Variants in PKD1L1 observed in about 807,000 individuals in gnomAD.
PKD1L1 encodes polycystin-1-like protein 1.
A neutral mutation model predicts 323.4 loss-of-function variants in PKD1L1; 236 were observed. That is an observed-to-expected ratio of 0.73 (90% confidence interval 0.66 to 0.81). The LOEUF is 0.81. Ranked by LOEUF, PKD1L1 falls within the 40% of genes least tolerant of loss-of-function variation. PKD1L1 has a pLI of 0.00. For synonymous variants in PKD1L1, 1,344 were observed against 1,335.0 expected, an observed-to-expected ratio of 1.01 and a Z score of -0.15; for missense variants, 3,320 against 3,508.0, an observed-to-expected ratio of 0.95 and a Z score of 1.35.
upstream of PKD1L1, among the ~76,000 whole-genome samples, chr7:47,948,797 A>C (rs1353642494): frequency 6.6e-6 from 1 of 152,032 alleles, no homozygotes; most frequent in Non-Finnish European, 1.5e-5. Context: ...GTCTCTACTA[A>C]AAATACAAAA....
intron 47 of PKD1L1, 117 bp downstream of exon 47, chr7:47,815,217 C>T (rs572739279): frequency 1.4e-6 from 2 of 1,383,444 alleles, no homozygotes; most frequent in Non-Finnish European, 1.9e-6. Flanking sequence ...GGCCTTACAC[C>T]TGCATGGTCA....
At chr7:47,820,994 A>G (rs1785127978) in intron 46 of PKD1L1, 82 bp downstream of exon 46, 2 of 769,068 alleles carry the variant, frequency 2.6e-6, no homozygotes, top group South Asian at 1.8e-5. Flanking sequence ...CATATGTGGG[A>G]TGTGAAACAT....
intron 31 of PKD1L1, among the ~76,000 whole-genome samples, chr7:47,851,773 C>T (rs1785787410): frequency 6.6e-6 from 1 of 151,824 alleles, no homozygotes; most frequent in Admixed American, 6.6e-5. Flanking sequence ...AACAGTCAGG[C>T]AATTTCCTGA....
chr7:47,814,140 T>C, intron 47 of PKD1L1, 126 bp from the exon 48 acceptor site: 1 of 678,358 alleles, frequency 1.5e-6, no homozygotes. Flanking sequence ...CAGAGTTTTA[T>C]TTTCCTTCCA....
At position 47,943,438 on chromosome 7, in the gene PKD1L1, G is replaced by A; in HGVS notation, c.118C>T (p.His40Tyr). 1.2e-6 allele frequency: 2 copies of A among 1,613,578 alleles called. No homozygotes were observed. The highest frequency in any genetic ancestry group is 1.1e-5 in the South Asian group (1 of 91,058). ...CCAGGAGGGCTACAGCTGCACAGAT[G>A]AAGACCCCAGCTCTTGTCAGTGCTC... ...SVSTDKSWGL[H>Y]LCSCSPPGGG... The change falls in exon 2 of 57, where the codon CAT (histidine) becomes TAT (tyrosine). Residue 40 changes from histidine (H) to tyrosine (Y), a missense_variant. His to Tyr is a moderately conservative substitution (Grantham distance 83, BLOSUM62 2). Transcript: ENST00000289672.
At chr7:47,941,579 G>A (rs1006206777) in intron 2 of PKD1L1, among the ~76,000 whole-genome samples, 5 of 152,174 alleles carry the variant, frequency 3.3e-5, no homozygotes, top group East Asian at 3.8e-4. Context: ...ATCAAAGGCC[G>A]TGTTCCTGGC....
At chr7:47,929,896 T>C (rs1026453994) in intron 6 of PKD1L1, among the ~76,000 whole-genome samples, 2 of 152,226 alleles carry the variant, frequency 1.3e-5, no homozygotes, top group Non-Finnish European at 2.9e-5. Flanking sequence ...ACACGAAAGA[T>C]GGTATCTCCC....
In PKD1L1 at chr7:47,792,700, G is replaced by T. The variant is rs766453899; in HGVS notation, c.8453C>A (p.Thr2818Lys). The T allele has an allele frequency of 6.2e-7, 1 of 1,613,962 alleles. No homozygotes were observed. Among genetic ancestry groups the T allele is most frequent in the African/African-American group, 1.3e-5 (1 of 74,920 alleles). The change falls in exon 56 of 57, where the codon ACA becomes AAA. Residue 2818 changes from threonine to lysine, a missense_variant. Thr to Lys is a moderately conservative substitution (Grantham distance 78, BLOSUM62 -1). Coordinates refer to ENST00000289672, the MANE Select transcript of PKD1L1 (RefSeq NM_138295.5). ...CCTTGCCTCCCCTGTGTTGTTGGAT[G>T]TTTTTTCCAGAAGGGGGAGTTGTAG... ...DSLQLPLLEKTSNNTGEARTE... is the reference protein window; with the variant it reads ...DSLQLPLLEKKSNNTGEARTE...
rs755750443 is a variant in PKD1L1, at chr7:47,882,188, GCT to G, written c.3266-105_3266-104del. The G allele has an allele frequency of 0.32, 369,426 of 1,171,838 alleles. 60,333 individuals are homozygous for G. The highest frequency in any genetic ancestry group is 0.41 in the Admixed American group (16,854 of 41,214). 72.6% of individuals were successfully genotyped at this position (1,171,838 alleles called of 1,614,324 possible). ...GATATTAATAACTATTTGTACTATTGCTGGATACCGCCTATCTAATATAATGT... is the reference window on the plus strand; with the variant it reads ...GATATTAATAACTATTTGTACTATTGGGATACCGCCTATCTAATATAATGT... On this transcript the variant is annotated intron_variant, in intron 19 of 56. Coordinates refer to ENST00000289672, the MANE Select transcript of PKD1L1 (RefSeq NM_138295.5).
chr7:47,825,424 G>C (rs929283860), intron 45 of PKD1L1, among the ~76,000 whole-genome samples: 1 of 151,952 alleles, frequency 6.6e-6, no homozygotes, highest in Non-Finnish European at 1.5e-5. Flanking sequence ...TCAGCTACTT[G>C]GGAGGCTGAG....
rs750720481 is a variant in PKD1L1 at position 47,792,617 on chromosome 7, A to C, written c.8526+10T>G. On this transcript the variant is annotated intron_variant, in intron 56 of 56. Transcript: ENST00000289672. ...AGAAAATTGACATAAATAATTTTGC[A>C]TGGTCTTACCTCAGCAGCTTGGTAA... 1 of 1,575,334 alleles carries C rather than the reference A, an allele frequency of 6.3e-7. No homozygotes were observed.
intron 56 of PKD1L1, among the ~76,000 whole-genome samples, chr7:47,785,850 TCCTG>T (rs1174922298): frequency 6.6e-6 from 1 of 151,572 alleles, no homozygotes; most frequent in African/African-American, 2.4e-5. Flanking sequence ...CAAGCAATTC[TCCTG>T]CCTCAGCCTC....
intron 12 of PKD1L1, among the ~76,000 whole-genome samples, chr7:47,903,075 G>T (rs1020629696): frequency 1.3e-5 from 2 of 152,190 alleles, no homozygotes; most frequent in Non-Finnish European, 2.9e-5. Flanking sequence ...GACAGTTGGA[G>T]GTGAGAGCTG....
chr7:47,877,670 G>A (rs755146895), intron 21 of PKD1L1, 39 bp from the exon 22 acceptor site: 5 of 1,606,244 alleles, frequency 3.1e-6, no homozygotes, highest in Admixed American at 1.7e-5. Context: ...ACCCATGATG[G>A]AGAATTACAG....
intron 45 of PKD1L1, among the ~76,000 whole-genome samples, chr7:47,825,673 CTTTTA>C (rs2128733807): frequency 1.3e-5 from 2 of 151,828 alleles, no homozygotes; most frequent in African/African-American, 4.8e-5. Context: ...ATCCAATTTA[CTTTTA>C]TTTTCCCTTT....
Position 47,857,593 on chromosome 7 carries a change from G to A in PKD1L1, c.4590+12C>T. ...GGTCATTAGAAGTGGCAGGTCATCT[G>A]TCAGCTTGTACCTGCCCAGGAGCTT... On this transcript the variant is annotated intron_variant, in intron 28 of 56. Coordinates refer to ENST00000289672, the MANE Select transcript of PKD1L1 (RefSeq NM_138295.5). 9 of 1,605,572 alleles carry A rather than the reference G, an allele frequency of 5.6e-6. No individual in the cohort carries two copies. Among genetic ancestry groups the A allele is most frequent in the Non-Finnish European group, 7.7e-6 (9 of 1,172,898 alleles).
At chr7:47,812,391 A>G (rs1041662370) in intron 49 of PKD1L1, among the ~76,000 whole-genome samples, 1 of 151,918 alleles carries the variant, frequency 6.6e-6, no homozygotes, top group Admixed American at 6.6e-5. Context: ...TAGAATATTC[A>G]TTGTTCTTTT....
At chr7:47,873,430 C>T (rs1039153512) in intron 24 of PKD1L1, among the ~76,000 whole-genome samples, 1 of 151,842 alleles carries the variant, frequency 6.6e-6, no homozygotes, top group Non-Finnish European at 1.5e-5. Context: ...GGGTGGATCA[C>T]GAAGTCAGGA....
chr7:47,859,550 C>G (rs371261501), intron 26 of PKD1L1, among the ~76,000 whole-genome samples: 1 of 151,992 alleles, frequency 6.6e-6, no homozygotes, highest in Non-Finnish European at 1.5e-5. Flanking sequence ...ACAAGCATAG[C>G]TCCCTGCAGA....
Sources: allele counts gnomAD v4.1 joint callset (sites outside exome capture counted in the v4.1 genomes callset), GRCh38; gene constraint gnomAD v4.1.1; transcripts MANE v1.5; gene names NCBI Gene and HGNC (gene_info 2026-07-23, HGNC 2026-07-21).